Variants in GRAMD1B observed in about 807,000 individuals in gnomAD.
GRAMD1B encodes protein Aster-B.
Under a neutral mutation model 99.7 loss-of-function variants are expected in GRAMD1B, and 37 were observed. The observed-to-expected ratio is 0.37, with a 90% CI of 0.29 to 0.49. GRAMD1B has a LOEUF of 0.49. Ranked by LOEUF, GRAMD1B falls within the 20% of genes least tolerant of loss-of-function variation. GRAMD1B has a pLI of 0.98. For synonymous variants in GRAMD1B, 427 were observed against 387.6 expected (o/e 1.10, Z -1.19); for missense variants, 888 against 1,009.2 (o/e 0.88, Z 1.63).
At chr11:123,515,484 A>G (rs947742696) in intron 2 of GRAMD1B, among the ~76,000 whole-genome samples, 2 of 152,206 alleles carry the variant, frequency 1.3e-5, no homozygotes, top group African/African-American at 4.8e-5. Flanking sequence ...AAATATTCCA[A>G]AATCCAAAAA....
intron 2 of GRAMD1B, among the ~76,000 whole-genome samples, chr11:123,489,663 G>A (rs1016080964): frequency 6.6e-6 from 1 of 152,134 alleles, no homozygotes; most frequent in African/African-American, 2.4e-5. Flanking sequence ...AGAAGAGACC[G>A]ACCATAGTGA....
At chr11:123,481,806 T>A (rs1360470262) in intron 2 of GRAMD1B, among the ~76,000 whole-genome samples, 3 of 152,198 alleles carry the variant, frequency 2.0e-5, no homozygotes, top group African/African-American at 7.2e-5. Context: ...CTTCTTTGCC[T>A]ACAGAAAGTT....
chr11:123,594,261 C>G, intron 5 of GRAMD1B, 95 bp downstream of exon 5: 1 of 830,636 alleles, frequency 1.2e-6, no homozygotes, highest in East Asian at 2.5e-5. Flanking sequence ...TCAAGCCAAC[C>G]CAGGTAAGCA....
chr11:123,560,075 C>CT (rs1491025767), intron 2 of GRAMD1B, among the ~76,000 whole-genome samples: 1 of 142,152 alleles, frequency 7.0e-6, no homozygotes, highest in Non-Finnish European at 1.5e-5. Flanking sequence ...ACCCCCCCCC[C>CT]CGCAGCCCCA....
At chr11:123,446,644 C>CCTT (rs1188957013) in intron 1 of GRAMD1B, among the ~76,000 whole-genome samples, 1 of 152,138 alleles carries the variant, frequency 6.6e-6, no homozygotes, top group Non-Finnish European at 1.5e-5. Flanking sequence ...TCTTAAAATG[C>CCTT]CTTTTGCTTC....
At chr11:123,390,232 A>G (rs560153625) in intron 1 of GRAMD1B, among the ~76,000 whole-genome samples, 5 of 152,166 alleles carry the variant, frequency 3.3e-5, no homozygotes, top group Non-Finnish European at 7.4e-5. Flanking sequence ...CTTTATACAA[A>G]AACACTACCC....
intron 2 of GRAMD1B, among the ~76,000 whole-genome samples, chr11:123,547,590 C>T (rs1290810): frequency 0.38 from 58,132 of 152,028 alleles, 13,304 homozygotes; most frequent in African/African-American, 0.65. Context: ...AAAAAAAGAC[C>T]TTTCTCCCCT....
chr11:123,381,122 T>C (rs1400256751), intron 1 of GRAMD1B, among the ~76,000 whole-genome samples: 2 of 152,156 alleles, frequency 1.3e-5, no homozygotes, highest in Non-Finnish European at 2.9e-5. Flanking sequence ...AGTGTCTCCC[T>C]CACTCCTCCG....
intron 2 of GRAMD1B, among the ~76,000 whole-genome samples, chr11:123,504,250 A>G (rs927953664): frequency 4.6e-5 from 7 of 152,152 alleles, no homozygotes; most frequent in Admixed American, 4.6e-4. Context: ...ACAAGGTACG[A>G]GCTCCCCTAA....
intron 1 of GRAMD1B, among the ~76,000 whole-genome samples, chr11:123,467,524 T>G (rs927733435): frequency 6.6e-6 from 1 of 151,120 alleles, no homozygotes; most frequent in African/African-American, 2.4e-5. Context: ...GTTGGATAAC[T>G]GAGAATTGGA....
chr11:123,613,248 T>G (rs1565466383), intron 15 of GRAMD1B: 2 of 586,798 alleles, frequency 3.4e-6, no homozygotes, highest in East Asian at 5.6e-5. Context: ...TGGGAACATA[T>G]GGTTCCTTGC....
rs555419230 is a variant in GRAMD1B at position 123,510,964 on chromosome 11, A to G, written c.452+30071A>G. On this transcript the variant is annotated intron_variant, in intron 2 of 19. Transcript: ENST00000635736. The surrounding 1 kb of genome is among the most constrained non-coding windows in gnomAD (Gnocchi z 4.3). ...GGGGTGCAGGGTGGGGGGTGGAGGT[A>G]TCTGTAGCTTTCATCTGCACTCACT... Among the ~76,000 whole-genome samples, 187 of 152,126 alleles carry G rather than the reference A, an allele frequency of 1.2e-3. 2 individuals carry two copies. Among genetic ancestry groups the G allele is most frequent in the Admixed American group, 3.9e-3 (59 of 15,288 alleles).
At chr11:123,511,989 G>C (rs780844298) in intron 2 of GRAMD1B, among the ~76,000 whole-genome samples, 1 of 152,222 alleles carries the variant, frequency 6.6e-6, no homozygotes, top group Non-Finnish European at 1.5e-5. Flanking sequence ...CAAATTCTCA[G>C]TTTTCTTAGA....
intron 14 of GRAMD1B, among the ~76,000 whole-genome samples, chr11:123,612,553 A>G (rs1345183306): frequency 3.9e-5 from 6 of 152,182 alleles, no homozygotes; most frequent in East Asian, 1.9e-4. Flanking sequence ...TAAATATCCT[A>G]CGGCTCAGTT....
intron 7 of GRAMD1B, among the ~76,000 whole-genome samples, chr11:123,597,254 G>GCCTTTTTT (rs1951391962): frequency 9.4e-6 from 1 of 105,834 alleles, no homozygotes; most frequent in Non-Finnish European, 1.8e-5. Flanking sequence ...ATGCCACTAT[G>GCCTTTTTT]CCTTTTTTTT....
At chr11:123,367,789 A>T (rs1466158070) in intron 1 of GRAMD1B, among the ~76,000 whole-genome samples, 1 of 152,070 alleles carries the variant, frequency 6.6e-6, no homozygotes, top group African/African-American at 2.4e-5. Flanking sequence ...AAACAAGGAC[A>T]GTCCAAAGTT....
intron 1 of GRAMD1B, among the ~76,000 whole-genome samples, chr11:123,431,662 T>TGGCC (rs1318822313): frequency 6.6e-6 from 1 of 152,248 alleles, no homozygotes; most frequent in Non-Finnish European, 1.5e-5. Flanking sequence ...ATTTTATGTT[T>TGGCC]GGCCACACCG....
chr11:123,492,155 C>T lies in GRAMD1B; in HGVS notation c.452+11262C>T, dbSNP rs1035889493. 6.6e-6 allele frequency among the ~76,000 whole-genome samples: 1 copy of T among 152,164 alleles called. No homozygotes were observed. Among genetic ancestry groups the T allele is most frequent in the African/African-American group, 2.4e-5 (1 of 41,442 alleles). The stretch of plus-strand genomic sequence containing the variant: ...CTGTGCCTCACTGTGTGCCTCCCAA[C>T]GAGGTGCCTTGGCCTCCGGGTCCTT... On this transcript the variant is annotated intron_variant, in intron 2 of 19. Transcript: ENST00000635736. The surrounding 1 kb of genome is among the most constrained non-coding windows in gnomAD (Gnocchi z 4.2).
At chr11:123,613,376 G>A (rs1953868886) in intron 15 of GRAMD1B, 79 bp from the exon 16 acceptor site, 1 of 1,083,322 alleles carries the variant, frequency 9.2e-7, no homozygotes, top group Non-Finnish European at 1.4e-6. Flanking sequence ...CCAGAATACA[G>A]AATAGGAAAA....
Sources: gnomAD v4.1 joint callset for allele counts (sites outside exome capture counted in the v4.1 genomes callset) on GRCh38, gnomAD v4.1.1 for gene constraint, Gnocchi (gnomAD v3.1) non-coding constraint, MANE v1.5 for transcripts, NCBI Gene and HGNC (gene_info 2026-07-23, HGNC 2026-07-21) for gene names.